The following TMEM214 variants were observed in gnomAD, a reference collection of about 807,000 sequenced individuals.
TMEM214 encodes the protein transmembrane protein 214.
TMEM214 carries 71 observed loss-of-function variants against 89.8 expected under a neutral mutation model. The observed-to-expected ratio is 0.79, with a 90% CI of 0.65 to 0.96. The LOEUF is 0.96. TMEM214 is among the 40% of genes least tolerant of loss of function. TMEM214 has a pLI of 0.00. For synonymous variants in TMEM214, 332 were observed against 349.5 expected (o/e 0.95, Z 0.56); for missense variants, 754 against 843.4 (o/e 0.89, Z 1.31).
At chr2:27,035,800 G>A in intron 4 of TMEM214, 72 bp downstream of exon 4, 3 of 1,607,100 alleles carry the variant, frequency 1.9e-6, no homozygotes, top group East Asian at 4.5e-5. Flanking sequence ...GTACCACTCA[G>A]TGGTTCTGTT....
Position 27,034,137 on chromosome 2 carries a change from G to C in TMEM214, c.222G>C (p.Glu74Asp). The C allele has an allele frequency of 6.2e-7, 1 of 1,614,160 alleles. No homozygotes were observed. The highest frequency in any genetic ancestry group is 1.1e-5 in the South Asian group (1 of 91,080). ...ATATCATGAAGCGGCAGAATAAGGA[G>C]CAGGTCCCACCCCCTGCTGTGGAAC... is the stretch of plus-strand genomic sequence containing the variant. ...FENIMKRQNK[E>D]QVPPPAVEPK... The change falls in exon 2 of 17, where the codon GAG (glutamate) becomes GAC (aspartate). Residue 74 changes from glutamate to aspartate, a missense_variant. Transcript: ENST00000238788.
rs1380754909 is a variant in TMEM214, at chr2:27,040,735, G to A, written c.1968G>A (p.Met656Ile). The A allele has an allele frequency of 6.2e-7, 1 of 1,613,998 alleles. No individual in the cohort carries two copies. Among genetic ancestry groups the A allele is most frequent in the Non-Finnish European group, 8.5e-7 (1 of 1,180,030 alleles). ...GAGGTGAGGTGACCTGGGACTGCATGAAGACACAGCTCAGTGAGGCTGTCC... is the reference window on the plus strand; with the variant it reads ...GAGGTGAGGTGACCTGGGACTGCATAAAGACACAGCTCAGTGAGGCTGTCC... ...ACRGEVTWDC[M>I]KTQLSEAVHW... The change falls in exon 17 of 17, where the codon ATG (methionine) becomes ATA (isoleucine). Residue 656 changes from methionine (M) to isoleucine (I), a missense_variant. Transcript: ENST00000238788.
At position 27,037,168 on chromosome 2, in the gene TMEM214, C is replaced by G; in HGVS notation, c.1000C>G (p.Leu334Val). Residue 334 changes from leucine to valine, a missense_variant, in exon 8 of 17, where the codon CTG becomes GTG. Leu to Val is a conservative substitution (Grantham distance 32). Coordinates refer to ENST00000238788, the MANE Select transcript of TMEM214 (RefSeq NM_017727.5). ...CTTTGCCTATATGCCGAACAACTCC[C>G]TGACACCCAGGTAGGACTGCTCTGG... The part of the protein sequence containing the change: ...LDFAYMPNNS[L>V]TPSLQEQLCQ... The G allele has an allele frequency of 6.2e-7, 1 of 1,613,716 alleles. No homozygotes were observed.
At position 27,037,246 on chromosome 2, in the gene TMEM214, G is replaced by A. The variant is rs1572790288; in HGVS notation, c.1010+68G>A. ...CACCAGAACCACACTACATATTCCC[G>A]TCTCTCCTTCCCCAGCCATCCTAGA... is the stretch of plus-strand genomic sequence containing the variant. On this transcript the variant is annotated intron_variant, in intron 8 of 16. Transcript: ENST00000238788. 9 of 1,292,744 alleles carry A rather than the reference G, an allele frequency of 7.0e-6. No homozygotes were observed. In the East Asian group the frequency reaches 7.0e-5, roughly 10 times the overall value. The allele number at this position is 1,292,744 out of a possible 1,614,324, so 80.1% of individuals were successfully genotyped here.
intron 5 of TMEM214, 127 bp from the exon 6 acceptor site, chr2:27,036,360 A>G (rs1232078091): frequency 1.4e-5 from 12 of 834,820 alleles, no homozygotes; most frequent in South Asian, 2.9e-5. Context: ...CCACGTGGCC[A>G]TAGTGCTCCA....
At chr2:27,040,634 T>C (rs1321741862) in intron 16 of TMEM214, 77 bp from the exon 17 acceptor site, 1 of 1,594,830 alleles carries the variant, frequency 6.3e-7, no homozygotes, top group Non-Finnish European at 8.5e-7. Flanking sequence ...ATGAGGGTTG[T>C]GGGTCTAAGC....
At chr2:27,037,929 G>C in intron 9 of TMEM214, 1 of 1,550,080 alleles carries the variant, frequency 6.5e-7, no homozygotes, top group Non-Finnish European at 8.7e-7. Flanking sequence ...CTTGCAGATA[G>C]TGATCTTTGA....
Position 27,036,541 on chromosome 2 carries a change from A to G in TMEM214, c.775A>G (p.Met259Val). ...CCGACCAGCAAAGTGTCTCACCATC[A>G]TGTGGGCCCTGGGTCAAGCAGGTTT... The part of the protein sequence containing the change: ...QSRPAKCLTI[M>V]WALGQAGFAN... Residue 259 changes from methionine (M) to valine (V), a missense_variant, in exon 6 of 17, where the codon ATG (methionine) becomes GTG (valine). Coordinates refer to ENST00000238788, the MANE Select transcript of TMEM214 (RefSeq NM_017727.5). 3 of 1,614,082 alleles carry G rather than the reference A, an allele frequency of 1.9e-6. No individual in the cohort carries two copies. In the East Asian group the frequency reaches 6.7e-5, roughly 36 times the overall value.
At chr2:27,040,322 C>A in intron 15 of TMEM214, 23 bp from the exon 16 acceptor site, 1 of 1,613,716 alleles carries the variant, frequency 6.2e-7, no homozygotes, top group Non-Finnish European at 8.5e-7. Context: ...ATACTCTGAC[C>A]CCATCCATTC....
chr2:27,035,651 C>T lies in TMEM214; in HGVS notation c.560C>T (p.Ala187Val), dbSNP rs760423610. Residue 187 changes from alanine to valine, a missense_variant, in exon 4 of 17, where the codon GCG (alanine) becomes GTG (valine). Coordinates refer to ENST00000238788, the MANE Select transcript of TMEM214 (RefSeq NM_017727.5). ...CGTGGGATCATCCGAGGGCTGCTGG[C>T]GAAGGCAGCAGGGTCTCTGGAGCTC... ...ELRGIIRGLL[A>V]KAAGSLELFF... 2 of 1,614,164 alleles carry T rather than the reference C, an allele frequency of 1.2e-6. No individual in the cohort carries two copies. The highest frequency in any genetic ancestry group is 2.2e-5 in the South Asian group (2 of 91,082).
At chr2:27,039,956 C>T in intron 14 of TMEM214, 74 bp from the exon 15 acceptor site, 2 of 1,594,154 alleles carry the variant, frequency 1.3e-6, no homozygotes, top group Non-Finnish European at 1.7e-6. Context: ...CCTCCCTTTC[C>T]CCAGCTGTTT....
chr2:27,033,321 G>A (rs1412362327), intron 1 of TMEM214, among the ~76,000 whole-genome samples, 155 bp downstream of exon 1: 1 of 152,200 alleles, frequency 6.6e-6, no homozygotes, highest in Non-Finnish European at 1.5e-5. Context: ...GACAGCTCCA[G>A]GGAAGGTTGC....
chr2:27,034,342 G>A, intron 2 of TMEM214, 76 bp downstream of exon 2: 1 of 1,505,220 alleles, frequency 6.6e-7, no homozygotes, highest in Non-Finnish European at 9.1e-7. Context: ...GGGGGAGGTG[G>A]ATGGGCAGCT....
Position 27,040,105 on chromosome 2 carries a change from GGC to G in TMEM214, c.1699_1700del (p.Ala567SerfsTer22), listed in dbSNP as rs1400677646. The G allele has an allele frequency of 1.1e-5, 18 of 1,609,242 alleles. No individual in the cohort carries two copies. The highest frequency in any genetic ancestry group is 1.5e-5 in the Non-Finnish European group (18 of 1,180,026). ...TGCGGCCCAGCTTGCAGCTGGCCTG[GGC>G]TCACACCAATGCCACAGTCAGCTTC... is the stretch of plus-strand genomic sequence containing the variant. ...VVRPSLQLAW[A>X]HTNATVSFLS... On this transcript the variant is annotated frameshift_variant, in exon 15 of 17. Transcript: ENST00000238788. LOFTEE classifies it high-confidence loss of function.
Position 27,038,399 on chromosome 2 carries a change from C to T in TMEM214, c.1245-85C>T. The T allele has an allele frequency of 1.3e-6, 2 of 1,584,902 alleles. No individual in the cohort carries two copies. The highest frequency in any genetic ancestry group is 1.7e-5 in the Admixed American group (1 of 59,934). On this transcript the variant is annotated intron_variant, in intron 10 of 16. Coordinates refer to ENST00000238788, the MANE Select transcript of TMEM214 (RefSeq NM_017727.5). This position sits in a 1 kb window ranked among gnomAD's most constrained non-coding sequence, Gnocchi z 4.4. Reference sequence around the variant, plus strand: ...GGTGGTAGGTGGAGGGTCTTTCAGCCTGAAGGAGCCAGGGCTAATGGAGGA... The same window carrying T: ...GGTGGTAGGTGGAGGGTCTTTCAGCTTGAAGGAGCCAGGGCTAATGGAGGA...
intron 12 of TMEM214, 24 bp from the exon 13 acceptor site, chr2:27,039,023 T>C: frequency 6.2e-7 from 1 of 1,610,562 alleles, no homozygotes; most frequent in Non-Finnish European, 8.5e-7. Flanking sequence ...TTCTGACAAC[T>C]GTCTCCTGCT....
intron 15 of TMEM214, 67 bp from the exon 16 acceptor site, chr2:27,040,278 C>G: frequency 1.2e-6 from 2 of 1,608,648 alleles, no homozygotes; most frequent in African/African-American, 1.3e-5. Context: ...CACTGTGTGG[C>G]CTGAGTCTTT....
Position 27,040,472 on chromosome 2 carries a change from AGG to A in TMEM214, c.1920_1921del (p.Glu641AlafsTer4). ...TTGCTTGAGGCCCTGGCCTGGGCCC[AGG>A]AGCACTGCCATGAGGCATGCAGGTG... On this transcript the variant is annotated frameshift_variant, in exon 16 of 17. Transcript: ENST00000238788. LOFTEE classifies it high-confidence loss of function. 1 of 1,614,004 alleles carries A rather than the reference AGG, an allele frequency of 6.2e-7. No homozygotes were observed. The highest frequency in any genetic ancestry group is 8.5e-7 in the Non-Finnish European group (1 of 1,180,030).
In TMEM214 at chr2:27,036,737, A is replaced by G; in HGVS notation, c.859A>G (p.Ile287Val). Reference protein sequence around the residue: ...WLGIMLPVLGIKSLSPFAITY... With the variant: ...WLGIMLPVLGVKSLSPFAITY... ...GGGGATCATGCTGCCTGTGCTGGGC[A>G]TCAAGTCTCTGTCTCCCTTTGCCAT... is the stretch of plus-strand genomic sequence containing the variant. The change falls in exon 7 of 17, where the codon ATC becomes GTC. Residue 287 changes from isoleucine (I) to valine (V), a missense_variant. Physicochemically the swap from Ile to Val is conservative, Grantham distance 29 (BLOSUM62 3). Transcript: ENST00000238788. 6.2e-7 allele frequency: 1 copy of G among 1,614,184 alleles called. No individual in the cohort carries two copies. Among genetic ancestry groups the G allele is most frequent in the African/African-American group, 1.3e-5 (1 of 75,024 alleles).
Sources: allele counts gnomAD v4.1 joint callset (sites outside exome capture counted in the v4.1 genomes callset), GRCh38; gene constraint gnomAD v4.1.1; non-coding constraint Gnocchi (gnomAD v3.1); transcripts MANE v1.5; gene names NCBI Gene and HGNC (gene_info 2026-07-23, HGNC 2026-07-21).